CSMD3: variants seen among roughly 807,000 people sequenced by gnomAD.
CSMD3 encodes the protein CUB and Sushi multiple domains 3, also known as CUB and sushi domain-containing protein 3.
In CSMD3, 177 loss-of-function variants were observed where a neutral mutation model predicts 435.2. The observed-to-expected ratio is 0.41, with a 90% confidence interval of 0.36 to 0.46. CSMD3 has a LOEUF of 0.46. Ranked by LOEUF, CSMD3 falls within the 20% of genes least tolerant of loss-of-function variation. CSMD3 has a pLI of 0.34. For missense variants in CSMD3, 4,265 were observed against 4,504.6 expected (o/e 0.95, Z 1.52); for synonymous variants, 1,656 against 1,520.5 (o/e 1.09, Z -2.07).
intron 64 of CSMD3, among the ~76,000 whole-genome samples, chr8:112,245,949 T>C (rs377353156): frequency 3.9e-5 from 6 of 152,178 alleles, no homozygotes; most frequent in Non-Finnish European, 8.8e-5. Context: ...CCCTATGTTA[T>C]GGACACATTA....
At chr8:113,057,462 G>T (rs180797731) in intron 5 of CSMD3, among the ~76,000 whole-genome samples, 25 of 151,698 alleles carry the variant, frequency 1.6e-4, no homozygotes, top group African/African-American at 5.8e-4. Context: ...TCTATCAGGG[G>T]TCTTTGGACA....
chr8:112,651,453 T>C (rs1004828165), intron 18 of CSMD3, among the ~76,000 whole-genome samples: 4 of 152,140 alleles, frequency 2.6e-5, no homozygotes, highest in Non-Finnish European at 4.4e-5. Context: ...TAAAATACAA[T>C]AGAGACAATT....
At chr8:112,282,140 A>T (rs1818714972) in intron 58 of CSMD3, among the ~76,000 whole-genome samples, 1 of 152,064 alleles carries the variant, frequency 6.6e-6, no homozygotes, top group South Asian at 2.1e-4. Context: ...GCTTTTATGG[A>T]TATGAAATAT....
chr8:112,370,256 T>C (rs553982389), intron 38 of CSMD3, among the ~76,000 whole-genome samples: 1 of 152,308 alleles, frequency 6.6e-6, no homozygotes, highest in Non-Finnish European at 1.5e-5. Flanking sequence ...CAAAACATCA[T>C]CTTGTGTCTT....
At chr8:112,396,394 T>C (rs1453801230) in intron 35 of CSMD3, among the ~76,000 whole-genome samples, 2 of 152,180 alleles carry the variant, frequency 1.3e-5, no homozygotes, top group Admixed American at 6.6e-5. Context: ...GAATTTGCTC[T>C]CTCTCAGAAT....
intron 27 of CSMD3, among the ~76,000 whole-genome samples, chr8:112,541,307 A>G (rs1167802317): frequency 6.6e-6 from 1 of 151,900 alleles, no homozygotes; most frequent in East Asian, 1.9e-4. Context: ...AGAAAATAGA[A>G]AAACAATTAA....
intron 10 of CSMD3, among the ~76,000 whole-genome samples, chr8:112,878,767 G>A (rs1213025861): frequency 2.0e-5 from 3 of 152,108 alleles, no homozygotes; most frequent in African/African-American, 7.2e-5. Context: ...CCTTTGCTGG[G>A]TGTTGCAGGA....
At chr8:112,810,887 C>G (rs908588233) in intron 12 of CSMD3, among the ~76,000 whole-genome samples, 1 of 151,852 alleles carries the variant, frequency 6.6e-6, no homozygotes, top group Non-Finnish European at 1.5e-5. Context: ...TGAGGATCTA[C>G]AAAAATAATA....
intron 22 of CSMD3, among the ~76,000 whole-genome samples, chr8:112,599,706 C>T (rs1205817869): frequency 6.6e-6 from 1 of 151,388 alleles, no homozygotes; most frequent in African/African-American, 2.4e-5. Context: ...ATGATGAGTT[C>T]ATGTCCTTTG....
intron 9 of CSMD3, among the ~76,000 whole-genome samples, chr8:112,923,723 T>A (rs2082818821): frequency 6.6e-6 from 1 of 152,184 alleles, no homozygotes; most frequent in Non-Finnish European, 1.5e-5. Context: ...CTCAAGTCTC[T>A]TATCTATTTT....
At chr8:112,707,492 G>A (rs569732805) in intron 13 of CSMD3, among the ~76,000 whole-genome samples, 17 of 151,080 alleles carry the variant, frequency 1.1e-4, no homozygotes, top group Non-Finnish European at 2.4e-4. Context: ...GCGGGAGGGG[G>A]GTGGTTCCTA....
intron 27 of CSMD3, among the ~76,000 whole-genome samples, chr8:112,518,122 G>T (rs1009324592): frequency 6.6e-6 from 1 of 152,054 alleles, no homozygotes; most frequent in African/African-American, 2.4e-5. Flanking sequence ...TGAATTTGAA[G>T]GAAATTGTGC....
chr8:112,497,056 T>C (rs951643605), intron 30 of CSMD3, among the ~76,000 whole-genome samples: 2 of 152,094 alleles, frequency 1.3e-5, no homozygotes, highest in African/African-American at 4.8e-5. Flanking sequence ...TCAAAATATC[T>C]CACATACTCC....
chr8:113,230,727 A>G (rs2093076195), intron 3 of CSMD3, among the ~76,000 whole-genome samples: 1 of 151,582 alleles, frequency 6.6e-6, no homozygotes, highest in Non-Finnish European at 1.5e-5. Flanking sequence ...TTTGCTCTTT[A>G]GTCTACTTCT....
At chr8:113,116,307 C>G (rs2090827004) in intron 4 of CSMD3, among the ~76,000 whole-genome samples, 1 of 152,082 alleles carries the variant, frequency 6.6e-6, no homozygotes, top group African/African-American at 2.4e-5. Context: ...TAAGTTCTCA[C>G]AAGATCTTAT....
chr8:112,717,273 T>C (rs545485616), intron 13 of CSMD3, among the ~76,000 whole-genome samples: 2 of 151,258 alleles, frequency 1.3e-5, no homozygotes, highest in South Asian at 4.2e-4. Flanking sequence ...GAACAGATGC[T>C]TCTCAAAAGA....
chr8:112,974,527 A>C (rs1587803046), intron 7 of CSMD3, among the ~76,000 whole-genome samples: 1 of 151,834 alleles, frequency 6.6e-6, no homozygotes, highest in Non-Finnish European at 1.5e-5. Context: ...TCTGGTAATA[A>C]GACAAAAACT....
At chr8:112,762,945 G>C (rs897032323) in intron 13 of CSMD3, among the ~76,000 whole-genome samples, 1 of 151,648 alleles carries the variant, frequency 6.6e-6, no homozygotes, top group Non-Finnish European at 1.5e-5. Context: ...AGGATGCAAA[G>C]TTTTAGTCAG....
chr8:113,100,743 A>T (rs2090304615), intron 4 of CSMD3, among the ~76,000 whole-genome samples: 2 of 152,188 alleles, frequency 1.3e-5, no homozygotes, highest in Non-Finnish European at 2.9e-5. Flanking sequence ...TCATTTGTAC[A>T]TGATAAATAT....
Sources: gnomAD v4.1 joint callset for allele counts (sites outside exome capture counted in the v4.1 genomes callset) on GRCh38, gnomAD v4.1.1 for gene constraint, MANE v1.5 for transcripts, NCBI Gene and HGNC (gene_info 2026-07-23, HGNC 2026-07-21) for gene names.